Variants in OR3A1 observed in about 807,000 individuals in gnomAD.
OR3A1 encodes olfactory receptor family 3 subfamily A member 1.
For synonymous variants in OR3A1, 145 were observed against 160.0 expected (o/e 0.91, Z 0.71); for missense variants, 402 against 393.8 (o/e 1.02, Z -0.18).
In OR3A1 at chr17:3,291,624, T is replaced by C. The variant is rs200683360; in HGVS notation, c.*11A>G. The C allele has an allele frequency of 8.5e-4, 1,345 of 1,575,730 alleles. No individual in the cohort carries two copies. Among genetic ancestry groups the C allele is most frequent in the Non-Finnish European group, 1.0e-3 (1,204 of 1,155,274 alleles). ...ACAAGACACAGGGAGAAAGGGTCAA[T>C]TGAGACCTCCTCAAGCCAGTGACCG... On this transcript the variant is annotated 3_prime_UTR_variant, in exon 2 of 2. Transcript: ENST00000323404.
chr17:3,297,975 G>T (rs2048933157), intron 1 of OR3A1, among the ~76,000 whole-genome samples: 1 of 151,932 alleles, frequency 6.6e-6, no homozygotes, highest in Admixed American at 6.6e-5. Context: ...TTTCTTTGTT[G>T]TTCTTCTTTT....
rs201559764 is a variant in OR3A1 at position 3,292,079 on chromosome 17, C to T, written c.504G>A (p.Thr168=). 2.5e-5 allele frequency: 40 copies of T among 1,614,160 alleles called. No homozygotes were observed. The African/African-American group carries it at 3.9e-4, about 16-fold the overall frequency. Residue 168 remains threonine (T), a synonymous_variant, in exon 2 of 2, where the codon ACG becomes ACA. Coordinates refer to ENST00000323404, the MANE Select transcript of OR3A1 (RefSeq NM_002550.3). The part of the protein sequence containing the change: ...NALTHTVAMS[T]LNFCGPNVIN... ...TCACATTGGGGCCACAGAAGTTGAG[C>T]GTGGACATGGCCACAGTGTGGGTCA...
At chr17:3,297,509 G>A (rs554990543) in intron 1 of OR3A1, among the ~76,000 whole-genome samples, 1 of 147,750 alleles carries the variant, frequency 6.8e-6, no homozygotes, top group Non-Finnish European at 1.5e-5. Context: ...CTCTGTAAAG[G>A]TTTTCCTGGT....
At chr17:3,296,869 T>C (rs1489777883) in intron 1 of OR3A1, among the ~76,000 whole-genome samples, 1 of 152,212 alleles carries the variant, frequency 6.6e-6, no homozygotes, top group Non-Finnish European at 1.5e-5. Flanking sequence ...TGTGTTAAAC[T>C]TTCAAGGAAT....
At chr17:3,297,776 A>G (rs2048931608) in intron 1 of OR3A1, among the ~76,000 whole-genome samples, 1 of 152,210 alleles carries the variant, frequency 6.6e-6, no homozygotes, top group Admixed American at 6.5e-5. Flanking sequence ...TGACCGTAAG[A>G]GCAACAATAT....
intron 1 of OR3A1, among the ~76,000 whole-genome samples, chr17:3,295,939 G>C (rs1414028861): frequency 6.6e-6 from 1 of 152,210 alleles, no homozygotes; most frequent in East Asian, 1.9e-4. Flanking sequence ...AAGAGAAATA[G>C]TCAGAAACAG....
rs2150622145 is a variant in OR3A1, at chr17:3,292,316, C to A, written c.267G>T (p.Leu89=). Residue 89 remains leucine (L), a synonymous_variant, in exon 2 of 2, where the codon CTG becomes CTT. Transcript: ENST00000323404. ...VTVPSMLSRL[L]SRKRAVPCGA... ...CACAGGGAACTGCACGCTTGCGGGA[C>A]AGGAGACGACTCAACATTGATGGAA... 1 of 1,614,136 alleles carries A rather than the reference C, an allele frequency of 6.2e-7. No homozygotes were observed. Among genetic ancestry groups the A allele is most frequent in the South Asian group, 1.1e-5 (1 of 91,084 alleles).
chr17:3,291,411 G>A lies in OR3A1; in HGVS notation c.*224C>T, dbSNP rs1027933519. The A allele has an allele frequency of 6.8e-6, 3 of 441,398 alleles. No homozygotes were observed. The highest frequency in any genetic ancestry group is 1.2e-5 in the Non-Finnish European group (3 of 251,072). The allele number at this position is 441,398 out of a possible 1,614,324, so 27.3% of individuals were successfully genotyped here. A position where few individuals can be genotyped will look rare whatever the true frequency, so the allele number is the denominator to read the frequency against. On this transcript the variant is annotated 3_prime_UTR_variant, in exon 2 of 2. Coordinates refer to ENST00000323404, the MANE Select transcript of OR3A1 (RefSeq NM_002550.3). The stretch of plus-strand genomic sequence containing the variant: ...CCAGAAAGGAGAGAACACGGTGCCT[G>A]AAGCTGAATTTGTCTAAGGGGCTGG...
At chr17:3,296,392 A>C (rs1004783263) in intron 1 of OR3A1, among the ~76,000 whole-genome samples, 10 of 152,144 alleles carry the variant, frequency 6.6e-5, no homozygotes, top group African/African-American at 2.4e-4. Flanking sequence ...CAACGAAAGA[A>C]TTAAATGATC....
At chr17:3,294,495 C>A (rs1181062945) in intron 1 of OR3A1, among the ~76,000 whole-genome samples, 1 of 151,730 alleles carries the variant, frequency 6.6e-6, no homozygotes, top group Non-Finnish European at 1.5e-5. Flanking sequence ...AGGAGGAAAT[C>A]AAAAAAGTGG....
intron 1 of OR3A1, 103 bp from the exon 2 acceptor site, chr17:3,292,691 C>T (rs2048887314): frequency 1.5e-5 from 14 of 936,468 alleles, no homozygotes; most frequent in East Asian, 2.6e-5. Flanking sequence ...CCCTCTGCCA[C>T]GTTCCCTCTG....
Position 3,291,778 on chromosome 17 carries a change from T to G in OR3A1, c.805A>C (p.Lys269Gln). ...IFNYMRLGSTKLSDKDKAVGI... is the reference protein window; with the variant it reads ...IFNYMRLGSTQLSDKDKAVGI... ...ACAGCTTTATCCTTGTCTGAAAGCT[T>G]GGTTGAACCCAGTCGCATATAGTTA... The change falls in exon 2 of 2, where the codon AAG becomes CAG. Residue 269 changes from lysine (K) to glutamine (Q), a missense_variant. Coordinates refer to ENST00000323404, the MANE Select transcript of OR3A1 (RefSeq NM_002550.3). 6.2e-7 allele frequency: 1 copy of G among 1,613,748 alleles called. No individual in the cohort carries two copies. The highest frequency in any genetic ancestry group is 2.2e-5 in the East Asian group (1 of 44,870).
intron 1 of OR3A1, among the ~76,000 whole-genome samples, chr17:3,294,059 T>C (rs577360308): frequency 1.3e-5 from 2 of 152,164 alleles, no homozygotes; most frequent in East Asian, 1.9e-4. Flanking sequence ...CCATGGCACA[T>C]GTTTACCTAT....
At chr17:3,292,752 T>C (rs1044505484) in intron 1 of OR3A1, among the ~76,000 whole-genome samples, 164 bp from the exon 2 acceptor site, 3 of 152,184 alleles carry the variant, frequency 2.0e-5, no homozygotes, top group Non-Finnish European at 4.4e-5. Flanking sequence ...TTGTTTACTC[T>C]GTCGCTACAT....
In OR3A1 at chr17:3,291,705, T is replaced by C; in HGVS notation, c.878A>G (p.Tyr293Cys). 1 of 1,612,460 alleles carries C rather than the reference T, an allele frequency of 6.2e-7. No homozygotes were observed. Among genetic ancestry groups the C allele is most frequent in the Non-Finnish European group, 8.5e-7 (1 of 1,178,574 alleles). ...CTGCACATCAGGGTTTCTGAAGCTG[T>C]AGATGATTGGGTTCAGCATGGGATT... ...VINPMLNPII[Y>C]SFRNPDVQSA... The change falls in exon 2 of 2, where the codon TAC (tyrosine) becomes TGC (cysteine). Residue 293 changes from tyrosine to cysteine, a missense_variant. Tyr to Cys is a radical substitution (Grantham distance 194). Transcript: ENST00000323404.
chr17:3,292,417 GCTCCACCAAGA>G lies in OR3A1; in HGVS notation c.155_165del (p.Val52AlafsTer69). ...AAGTACATGGGGGTGTGGAGTTTGG[GCTCCACCAAGA>G]CAGCTGCCAGGATGCTGAGGTTGCC... On this transcript the variant is annotated frameshift_variant, in exon 2 of 2. Coordinates refer to ENST00000323404, the MANE Select transcript of OR3A1 (RefSeq NM_002550.3). LOFTEE classifies it low-confidence loss of function (END_TRUNC). 6.2e-7 allele frequency: 1 copy of G among 1,613,936 alleles called. No individual in the cohort carries two copies. Among genetic ancestry groups the G allele is most frequent in the Non-Finnish European group, 8.5e-7 (1 of 1,179,992 alleles).
At position 3,292,201 on chromosome 17, in the gene OR3A1, C is replaced by G; in HGVS notation, c.382G>C (p.Ala128Pro). Residue 128 changes from alanine to proline, a missense_variant, in exon 2 of 2, where the codon GCC becomes CCC. By Grantham distance (27) the Ala-to-Pro change is conservative. Transcript: ENST00000323404. ...CTGTAGGTGAGGGGCCGGCAGATGG[C>G]CAGGAATCGGTCATAGGCCATGGCG... ...LTAMAYDRFL[A>P]ICRPLTYSTR... is the part of the protein sequence containing the mutation. 6.2e-7 allele frequency: 1 copy of G among 1,614,072 alleles called. No homozygotes were observed. Among genetic ancestry groups the G allele is most frequent in the Non-Finnish European group, 8.5e-7 (1 of 1,180,024 alleles).
rs897811414 is a variant in OR3A1, at chr17:3,291,627, A to G, written c.*8T>C. The G allele has an allele frequency of 1.9e-6, 3 of 1,577,220 alleles. No individual in the cohort carries two copies. Among genetic ancestry groups the G allele is most frequent in the Non-Finnish European group, 2.6e-6 (3 of 1,156,002 alleles). On this transcript the variant is annotated 3_prime_UTR_variant, in exon 2 of 2. Coordinates refer to ENST00000323404, the MANE Select transcript of OR3A1 (RefSeq NM_002550.3). ...AGACACAGGGAGAAAGGGTCAATTG[A>G]GACCTCCTCAAGCCAGTGACCGCCT...
Position 3,291,796 on chromosome 17 carries a change from T to C in OR3A1, c.787A>G (p.Met263Val). The change falls in exon 2 of 2, where the codon ATG becomes GTG. Residue 263 changes from methionine (M) to valine (V), a missense_variant. Transcript: ENST00000323404. ...IFYGSGIFNY[M>V]RLGSTKLSDK... ...GAAAGCTTGGTTGAACCCAGTCGCA[T>C]ATAGTTAAAGATACCTGAACCATAG... 1.9e-6 allele frequency: 3 copies of C among 1,613,752 alleles called. No homozygotes were observed. The highest frequency in any genetic ancestry group is 1.7e-6 in the Non-Finnish European group (2 of 1,179,630).
Sources: gnomAD v4.1 joint callset for allele counts (sites outside exome capture counted in the v4.1 genomes callset) on GRCh38, gnomAD v4.1.1 for gene constraint, MANE v1.5 for transcripts, NCBI Gene and HGNC (gene_info 2026-07-23, HGNC 2026-07-21) for gene names.